PPM1E: variants seen among roughly 807,000 people sequenced by gnomAD.
The protein encoded by PPM1E is protein phosphatase 1E.
A neutral mutation model predicts 65.9 loss-of-function variants in PPM1E; 20 were observed. The ratio of observed to expected loss-of-function variants is 0.30; its 90% CI spans 0.21 to 0.44. The LOEUF is 0.44. PPM1E is among the 20% of genes least tolerant of loss of function. The pLI, the probability that PPM1E is intolerant of heterozygous loss-of-function variation, is 1.00. For synonymous variants in PPM1E, 352 were observed against 374.9 expected, an observed-to-expected ratio of 0.94 and a Z score of 0.70; for missense variants, 713 against 953.1, an observed-to-expected ratio of 0.75 and a Z score of 3.32.
chr17:58,966,966 C>T (rs1342414119), intron 3 of PPM1E, among the ~76,000 whole-genome samples: 1 of 152,078 alleles, frequency 6.6e-6, no homozygotes, highest in Non-Finnish European at 1.5e-5. Context: ...CAAATGTAAC[C>T]CAGAAGGATT....
intron 1 of PPM1E, among the ~76,000 whole-genome samples, chr17:58,930,178 T>C (rs1053323341): frequency 6.6e-6 from 1 of 151,374 alleles, no homozygotes; most frequent in Non-Finnish European, 1.5e-5. Flanking sequence ...AGTGGATCAC[T>C]TAAGTCCAGG....
intron 1 of PPM1E, among the ~76,000 whole-genome samples, chr17:58,822,204 A>G (rs1484075254): frequency 6.6e-6 from 1 of 152,244 alleles, no homozygotes; most frequent in East Asian, 1.9e-4. Flanking sequence ...AGACCAAAGA[A>G]AAGGAGGCAC....
At chr17:58,815,132 T>G (rs2143110380) in intron 1 of PPM1E, among the ~76,000 whole-genome samples, 1 of 152,344 alleles carries the variant, frequency 6.6e-6, no homozygotes, top group African/African-American at 2.4e-5. Context: ...AAAAACTATC[T>G]TTTACCAGAT....
At chr17:58,809,263 T>A (rs34717648) in intron 1 of PPM1E, among the ~76,000 whole-genome samples, 27,881 of 151,676 alleles carry the variant, frequency 0.18, 2,748 homozygotes, top group Non-Finnish European at 0.21. Flanking sequence ...TTAAAAAAAA[T>A]TTTTTTAATG....
chr17:58,865,950 A>G (rs541774525), intron 1 of PPM1E, among the ~76,000 whole-genome samples: 15 of 152,310 alleles, frequency 9.8e-5, no homozygotes, highest in Non-Finnish European at 1.9e-4. Context: ...ACCAGACAAG[A>G]CAAGATTGCC....
chr17:58,787,254 A>G (rs1384540786), intron 1 of PPM1E, among the ~76,000 whole-genome samples: 4 of 152,376 alleles, frequency 2.6e-5, no homozygotes, highest in African/African-American at 4.8e-5. Flanking sequence ...AGTGGCTCCC[A>G]TACTGGACAT....
intron 1 of PPM1E, among the ~76,000 whole-genome samples, chr17:58,832,284 A>G (rs1240479971): frequency 6.6e-6 from 1 of 152,198 alleles, no homozygotes; most frequent in Non-Finnish European, 1.5e-5. Flanking sequence ...GATACCTGGA[A>G]TTGAGAGCAA....
rs977555912 is a variant in PPM1E, at chr17:58,982,080, C to T, written c.*1049C>T. 2 of 152,440 alleles carry T rather than the reference C, an allele frequency of 1.3e-5. No homozygotes were observed. Among genetic ancestry groups the T allele is most frequent in the African/African-American group, 4.8e-5 (2 of 41,348 alleles). The allele number at this position is 152,440 out of a possible 1,614,324, so 9.4% of individuals were successfully genotyped here. ...AGTGAAGTAATTGGAATGAAGGAGG[C>T]TGAAAGTATTGTCTAAAGTGAGCCC... is the stretch of plus-strand genomic sequence containing the variant. On this transcript the variant is annotated 3_prime_UTR_variant, in exon 7 of 7. Coordinates refer to ENST00000308249, the MANE Select transcript of PPM1E (RefSeq NM_014906.5).
chr17:58,806,365 T>C (rs1259046608), intron 1 of PPM1E, among the ~76,000 whole-genome samples: 1 of 152,084 alleles, frequency 6.6e-6, no homozygotes, highest in Non-Finnish European at 1.5e-5. Flanking sequence ...AAAAAGTTAG[T>C]TGTCGACAGT....
chr17:58,783,654 G>A (rs924683157), intron 1 of PPM1E, among the ~76,000 whole-genome samples: 2 of 152,180 alleles, frequency 1.3e-5, no homozygotes, highest in African/African-American at 4.8e-5. Context: ...AGTGATTAGA[G>A]CTGTCTAGAG....
At chr17:58,912,271 A>G (rs940622635) in intron 1 of PPM1E, among the ~76,000 whole-genome samples, 30 of 152,302 alleles carry the variant, frequency 2.0e-4, no homozygotes, top group African/African-American at 7.2e-4. Context: ...GAGGCCTCCA[A>G]ACCAAGGACA....
At position 58,797,570 on chromosome 17, in the gene PPM1E, G is replaced by T. The variant is rs140787250; in HGVS notation, c.464+41109G>T. On this transcript the variant is annotated intron_variant, in intron 1 of 6. Transcript: ENST00000308249. The stretch of plus-strand genomic sequence containing the variant: ...AGTTATTTCTTTTTATTGCTGAGTA[G>T]TATTTGATTGTGTGAATGTACCACA... Among the ~76,000 whole-genome samples, 869 of 152,288 alleles carry T rather than the reference G, an allele frequency of 5.7e-3. 5 individuals are homozygous for T. The highest frequency in any genetic ancestry group is 9.2e-3 in the African/African-American group (382 of 41,576).
At chr17:58,877,196 A>G (rs1385615320) in intron 1 of PPM1E, among the ~76,000 whole-genome samples, 1 of 152,258 alleles carries the variant, frequency 6.6e-6, no homozygotes, top group East Asian at 1.9e-4. Context: ...ATTTTACAAT[A>G]TAATACAACT....
chr17:58,874,513 A>G (rs948724580), intron 1 of PPM1E, among the ~76,000 whole-genome samples: 5 of 152,200 alleles, frequency 3.3e-5, no homozygotes, highest in African/African-American at 1.2e-4. Context: ...GATGAAAATT[A>G]TATTTTATGT....
intron 1 of PPM1E, among the ~76,000 whole-genome samples, chr17:58,912,714 TG>T (rs2051640998): frequency 6.6e-6 from 1 of 152,098 alleles, no homozygotes; most frequent in African/African-American, 2.4e-5. Flanking sequence ...AGCCTCAGGA[TG>T]GGGGTGCTGG....
chr17:58,962,365 T>C (rs2030059841), intron 2 of PPM1E, among the ~76,000 whole-genome samples: 1 of 151,942 alleles, frequency 6.6e-6, no homozygotes, highest in South Asian at 2.1e-4. Flanking sequence ...ATAAGAGTAA[T>C]ATACAAGCCA....
intron 1 of PPM1E, among the ~76,000 whole-genome samples, chr17:58,796,160 T>A (rs566499230): frequency 6.6e-6 from 1 of 152,278 alleles, no homozygotes; most frequent in African/African-American, 2.4e-5. Context: ...CCTCTTCCGT[T>A]AGCCTCTGGA....
At chr17:58,761,261 A>C (rs2049818164) in intron 1 of PPM1E, among the ~76,000 whole-genome samples, 1 of 152,194 alleles carries the variant, frequency 6.6e-6, no homozygotes. Flanking sequence ...CAAGGGACCC[A>C]TCATGAATAG....
chr17:58,955,486 C>T, intron 1 of PPM1E, 163 bp from the exon 2 acceptor site: 1 of 752,830 alleles, frequency 1.3e-6, no homozygotes, highest in Non-Finnish European at 2.3e-6. Flanking sequence ...CAATATATAT[C>T]CAGTGCCCAG....
Sources: allele counts gnomAD v4.1 joint callset (sites outside exome capture counted in the v4.1 genomes callset), GRCh38; gene constraint gnomAD v4.1.1; transcripts MANE v1.5; gene names NCBI Gene and HGNC (gene_info 2026-07-23, HGNC 2026-07-21).